CLIP1: variants seen among roughly 807,000 people sequenced by gnomAD.
CLIP1 encodes CAP-Gly domain containing linker protein 1, also known as CAP-Gly domain-containing linker protein 1.
CLIP1 carries 66 observed loss-of-function variants against 161.6 expected under a neutral mutation model. That is an observed-to-expected ratio of 0.41 (90% CI 0.33 to 0.50). The LOEUF is 0.50. Ranked by LOEUF, CLIP1 falls within the 20% of genes least tolerant of loss-of-function variation. The pLI, the probability that CLIP1 is intolerant of heterozygous loss-of-function variation, is 0.27. For missense variants in CLIP1, 1,376 were observed against 1,702.0 expected (o/e 0.81, Z 3.37); for synonymous variants, 598 against 626.2 (o/e 0.96, Z 0.67).
chr12:122,376,561 G>A (rs1954744491), intron 3 of CLIP1, among the ~76,000 whole-genome samples: 1 of 151,890 alleles, frequency 6.6e-6, no homozygotes, highest in Non-Finnish European at 1.5e-5. Context: ...CCGCCTCCTG[G>A]GTTCAGGCCA....
intron 1 of CLIP1, chr12:122,400,508 GGGC>G (rs1566231500): frequency 1.3e-5 from 2 of 149,788 alleles, no homozygotes; most frequent in African/African-American, 2.5e-5. Context: ...CCACACAGAA[GGGC>G]TTTGGGGGCA....
chr12:122,396,322 C>T (rs1481576583), intron 1 of CLIP1, among the ~76,000 whole-genome samples: 4 of 152,054 alleles, frequency 2.6e-5, no homozygotes, highest in Non-Finnish European at 4.4e-5. Flanking sequence ...CCGGAATAGC[C>T]CTGTGTATCT....
Position 122,336,668 on chromosome 12 carries a change from T to C in CLIP1, c.2532A>G (p.Gln844=). 1 of 1,611,266 alleles carries C rather than the reference T, an allele frequency of 6.2e-7. No individual in the cohort carries two copies. Among genetic ancestry groups the C allele is most frequent in the South Asian group, 1.1e-5 (1 of 90,916 alleles). The change falls in exon 12 of 26, where the codon CAA becomes CAG. Residue 844 remains glutamine, a synonymous_variant. Coordinates refer to ENST00000620786, the MANE Select transcript of CLIP1 (RefSeq NM_001247997.2). Reference sequence around the variant, plus strand: ...GTTCTTTTTCCAAAGTCTCTTTCACTTGACTGACTTCACTCAAATTTTCCT... The same window carrying C: ...GTTCTTTTTCCAAAGTCTCTTTCACCTGACTGACTTCACTCAAATTTTCCT... ...NLQENLSEVS[Q]VKETLEKELQ... is the part of the protein sequence containing the mutation.
chr12:122,293,279 G>T (rs1314888428), intron 20 of CLIP1, among the ~76,000 whole-genome samples: 2 of 152,068 alleles, frequency 1.3e-5, no homozygotes, highest in Non-Finnish European at 2.9e-5. Flanking sequence ...ACCACACTGA[G>T]ATACACTCCA....
intron 11 of CLIP1, 121 bp downstream of exon 11, chr12:122,340,632 A>T: frequency 1.3e-6 from 1 of 741,026 alleles, no homozygotes; most frequent in South Asian, 1.9e-5. Context: ...TCAACTGGGG[A>T]CATCAAGCAA....
chr12:122,307,883 T>C (rs1027229567), intron 20 of CLIP1, among the ~76,000 whole-genome samples: 1 of 152,234 alleles, frequency 6.6e-6, no homozygotes, highest in African/African-American at 2.4e-5. Context: ...TTAATTCACA[T>C]ACACATTATT....
At chr12:122,331,589 CTTTT>C (rs949061297) in intron 15 of CLIP1, among the ~76,000 whole-genome samples, 2 of 152,042 alleles carry the variant, frequency 1.3e-5, no homozygotes, top group African/African-American at 4.8e-5. Flanking sequence ...TGCCTGGCCT[CTTTT>C]TCTTTTAAAT....
At chr12:122,358,480 A>G (rs1953612728) in intron 5 of CLIP1, among the ~76,000 whole-genome samples, 1 of 151,936 alleles carries the variant, frequency 6.6e-6, no homozygotes, top group African/African-American at 2.4e-5. Context: ...ACTTGTTGAA[A>G]TATTGAGTTA....
At chr12:122,422,129 C>T (rs1956967602) in intron 1 of CLIP1, among the ~76,000 whole-genome samples, 1 of 152,110 alleles carries the variant, frequency 6.6e-6, no homozygotes, top group African/African-American at 2.4e-5. Flanking sequence ...CTTCGGCCTC[C>T]CGGGGTCCGG....
chr12:122,293,873 C>T (rs1018559935), intron 20 of CLIP1, among the ~76,000 whole-genome samples: 4 of 149,404 alleles, frequency 2.7e-5, no homozygotes, highest in African/African-American at 5.0e-5. Flanking sequence ...GGCGCAATCT[C>T]GGCTCACTGC....
upstream of CLIP1, chr12:122,422,725 G>GCCGGCCGGC (rs1555289352): frequency 1.5e-5 from 2 of 137,858 alleles, no homozygotes; most frequent in Non-Finnish European, 3.2e-5. Context: ...CGCCCGCCCG[G>GCCGGCCGGC]CCGGCCCGGC....
chr12:122,287,305 C>T (rs1955897869), intron 21 of CLIP1, among the ~76,000 whole-genome samples: 1 of 152,206 alleles, frequency 6.6e-6, no homozygotes. Flanking sequence ...TAAGCAACTG[C>T]TACGCTGGCA....
chr12:122,409,877 T>TA (rs1465277331), intron 1 of CLIP1, among the ~76,000 whole-genome samples: 16 of 150,706 alleles, frequency 1.1e-4, no homozygotes, highest in Non-Finnish European at 1.5e-4. Flanking sequence ...TATTTTTATT[T>TA]TTTTTTTTTT....
At chr12:122,295,159 G>A (rs948741645) in intron 20 of CLIP1, among the ~76,000 whole-genome samples, 1 of 151,918 alleles carries the variant, frequency 6.6e-6, no homozygotes, top group Admixed American at 6.6e-5. Flanking sequence ...ATCATTTGAG[G>A]TTGGAGTCCA....
At chr12:122,313,685 C>T (rs1951152531) in intron 19 of CLIP1, among the ~76,000 whole-genome samples, 1 of 151,972 alleles carries the variant, frequency 6.6e-6, no homozygotes, top group East Asian at 1.9e-4. Flanking sequence ...CCACTGCACT[C>T]CATCCTGGGC....
At chr12:122,278,662 G>T in intron 23 of CLIP1, 130 bp downstream of exon 23, 1 of 947,136 alleles carries the variant, frequency 1.1e-6, no homozygotes. Flanking sequence ...GATTGATTAA[G>T]TGGTGGAAGA....
chr12:122,278,231 A>C (rs1330169209), intron 23 of CLIP1, 28 bp from the exon 24 acceptor site: 9 of 1,548,486 alleles, frequency 5.8e-6, no homozygotes, highest in Non-Finnish European at 7.9e-6. Flanking sequence ...AAAAAAAAAA[A>C]CAAGTGGAGG....
At chr12:122,286,276 T>C (rs1592975585) in intron 21 of CLIP1, among the ~76,000 whole-genome samples, 1 of 151,846 alleles carries the variant, frequency 6.6e-6, no homozygotes, top group African/African-American at 2.4e-5. Context: ...CCCAACACTT[T>C]GGGAGGCTGA....
chr12:122,368,001 GAT>G (rs1954253080), intron 3 of CLIP1, among the ~76,000 whole-genome samples: 1 of 152,006 alleles, frequency 6.6e-6, no homozygotes, highest in Admixed American at 6.6e-5. Context: ...AAAACTAAAA[GAT>G]AGATTCCCAT....
Sources: gnomAD v4.1 joint callset for allele counts (sites outside exome capture counted in the v4.1 genomes callset) on GRCh38, gnomAD v4.1.1 for gene constraint, MANE v1.5 for transcripts, NCBI Gene and HGNC (gene_info 2026-07-23, HGNC 2026-07-21) for gene names.